The following TTC27 variants were observed in gnomAD, a reference collection of about 807,000 sequenced individuals.
TTC27 encodes tetratricopeptide repeat domain 27, also known as tetratricopeptide repeat protein 27.
TTC27 carries 79 observed loss-of-function variants against 115.9 expected under a neutral mutation model. The ratio of observed to expected loss-of-function variants is 0.68; its 90% confidence interval spans 0.57 to 0.82. The LOEUF is 0.82. TTC27 is among the 40% of genes least tolerant of loss of function. The pLI is 0.00. For synonymous variants in TTC27, 401 were observed against 356.0 expected, an observed-to-expected ratio of 1.13 and a Z score of -1.42; for missense variants, 1,054 against 993.1, an observed-to-expected ratio of 1.06 and a Z score of -0.82.
intron 5 of TTC27, among the ~76,000 whole-genome samples, chr2:32,659,862 C>G (rs906365305): frequency 2.0e-5 from 3 of 152,072 alleles, no homozygotes; most frequent in African/African-American, 7.2e-5. Context: ...TTTTTATAGC[C>G]GTATGGTATT....
intron 15 of TTC27, among the ~76,000 whole-genome samples, chr2:32,784,600 G>T (rs894454353): frequency 6.6e-6 from 1 of 152,180 alleles, no homozygotes; most frequent in Non-Finnish European, 1.5e-5. Flanking sequence ...AATTTTAATG[G>T]TGCAATATCT....
At chr2:32,658,390 T>C (rs568835096) in intron 5 of TTC27, among the ~76,000 whole-genome samples, 2 of 152,304 alleles carry the variant, frequency 1.3e-5, no homozygotes, top group African/African-American at 4.8e-5. Flanking sequence ...GCTGGAATTA[T>C]AGGTATGAGG....
chr2:32,777,144 G>A (rs898586890), intron 13 of TTC27, among the ~76,000 whole-genome samples: 6 of 152,222 alleles, frequency 3.9e-5, no homozygotes, highest in Non-Finnish European at 7.3e-5. Context: ...CATGCCTAAA[G>A]CAGATATATG....
chr2:32,685,999 C>T (rs532454765), intron 9 of TTC27, among the ~76,000 whole-genome samples: 1 of 152,226 alleles, frequency 6.6e-6, no homozygotes, highest in East Asian at 1.9e-4. Flanking sequence ...AACTAACAAG[C>T]AAGTTCTTAG....
In TTC27 at chr2:32,634,801, C is replaced by T. The variant is rs534337377; in HGVS notation, c.396+796C>T. 1.7e-4 allele frequency among the ~76,000 whole-genome samples: 26 copies of T among 151,988 alleles called. No individual in the cohort carries two copies. In the East Asian group the frequency reaches 4.1e-3, roughly 24 times the overall value. ...CCTCCCTAGTAGCTGGGATTACAGGCGTGTGCTACCACACTTGGCTAATTT... is the reference window on the plus strand; with the variant it reads ...CCTCCCTAGTAGCTGGGATTACAGGTGTGTGCTACCACACTTGGCTAATTT... On this transcript the variant is annotated intron_variant, in intron 3 of 19. Transcript: ENST00000317907.
intron 2 of TTC27, among the ~76,000 whole-genome samples, chr2:32,632,421 A>G (rs1281130562): frequency 1.3e-5 from 2 of 152,184 alleles, no homozygotes; most frequent in South Asian, 2.1e-4. Flanking sequence ...CCAGATTTCT[A>G]TCTTGTCACA....
chr2:32,659,671 T>C (rs1350508877), intron 5 of TTC27, among the ~76,000 whole-genome samples: 1 of 152,072 alleles, frequency 6.6e-6, no homozygotes, highest in East Asian at 1.9e-4. Flanking sequence ...TATCTCCTAA[T>C]GCTATCCTAG....
At chr2:32,784,950 GA>G (rs1184459619) in intron 15 of TTC27, among the ~76,000 whole-genome samples, 1 of 152,170 alleles carries the variant, frequency 6.6e-6, no homozygotes, top group Non-Finnish European at 1.5e-5. Flanking sequence ...GACTGAAATT[GA>G]AGACATGTTT....
At chr2:32,631,448 T>C (rs566087801) in intron 2 of TTC27, among the ~76,000 whole-genome samples, 115 of 152,340 alleles carry the variant, frequency 7.5e-4, no homozygotes, top group African/African-American at 2.6e-3. Flanking sequence ...AAGCCCTTGG[T>C]TTACCTTCTT....
At chr2:32,766,904 G>A (rs1644420229) in intron 13 of TTC27, among the ~76,000 whole-genome samples, 1 of 152,122 alleles carries the variant, frequency 6.6e-6, no homozygotes, top group African/African-American at 2.4e-5. Context: ...TGCTGCGTCA[G>A]CCACCTGAGA....
At chr2:32,812,764 T>C in intron 18 of TTC27, 149 bp downstream of exon 18, 1 of 609,870 alleles carries the variant, frequency 1.6e-6, no homozygotes, top group East Asian at 3.0e-5. Flanking sequence ...CAGCAAACAT[T>C]CATAGACCAC....
At position 32,635,544 on chromosome 2, in the gene TTC27, T is replaced by C. The variant is rs181976874; in HGVS notation, c.396+1539T>C. Among the ~76,000 whole-genome samples the C allele has an allele frequency of 2.6e-4, 40 of 151,970 alleles. No homozygotes were observed. The East Asian group carries it at 6.4e-3, about 24-fold the overall frequency. Reference sequence around the variant, plus strand: ...ACTAAAAATACAAAAATTAGCCGGGTGTGGTGGTGCACGCTTGTAATCCCA... The same window carrying C: ...ACTAAAAATACAAAAATTAGCCGGGCGTGGTGGTGCACGCTTGTAATCCCA... On this transcript the variant is annotated intron_variant, in intron 3 of 19. Coordinates refer to ENST00000317907, the MANE Select transcript of TTC27 (RefSeq NM_017735.5).
chr2:32,732,061 C>CA (rs566578461), intron 10 of TTC27, among the ~76,000 whole-genome samples: 17 of 150,912 alleles, frequency 1.1e-4, no homozygotes, highest in South Asian at 2.1e-4. Flanking sequence ...TTTTTCTTTC[C>CA]AAAAAAAACT....
At position 32,630,615 on chromosome 2, in the gene TTC27, A is replaced by T. The variant is rs376870573; in HGVS notation, c.181A>T (p.Thr61Ser). Residue 61 changes from threonine (T) to serine (S), a missense_variant, in exon 2 of 20, where the codon ACC (threonine) becomes TCC (serine). Physicochemically the swap from Thr to Ser is moderately conservative, Grantham distance 58 (BLOSUM62 1). Coordinates refer to ENST00000317907, the MANE Select transcript of TTC27 (RefSeq NM_017735.5). ...MTQNIFNSTT[T>S]AEEKIDSYLE... is the part of the protein sequence containing the mutation. The stretch of plus-strand genomic sequence containing the variant: ...TCAAAATATTTTTAATTCAACAACA[A>T]CCGCTGAAGAAAAGATTGATAGCTA... 4 of 1,613,674 alleles carry T rather than the reference A, an allele frequency of 2.5e-6. No individual in the cohort carries two copies. The African/African-American group carries it at 5.3e-5, about 22-fold the overall frequency.
At chr2:32,688,073 A>C (rs537873316) in intron 9 of TTC27, among the ~76,000 whole-genome samples, 5 of 152,306 alleles carry the variant, frequency 3.3e-5, no homozygotes, top group African/African-American at 9.6e-5. Flanking sequence ...TAAATGAATA[A>C]ATTAAGAAAT....
At chr2:32,652,070 T>C (rs1665145297) in intron 5 of TTC27, among the ~76,000 whole-genome samples, 1 of 152,128 alleles carries the variant, frequency 6.6e-6, no homozygotes, top group African/African-American at 2.4e-5. Flanking sequence ...TGCTTATGTA[T>C]CTTTTTAAAA....
intron 12 of TTC27, among the ~76,000 whole-genome samples, chr2:32,753,008 C>T (rs1669069716): frequency 6.6e-6 from 1 of 152,120 alleles, no homozygotes; most frequent in African/African-American, 2.4e-5. Flanking sequence ...TTCTGTAGAA[C>T]AGGAATTTAG....
Position 32,664,290 on chromosome 2 carries a change from T to G in TTC27, c.641-13T>G. The G allele has an allele frequency of 1.3e-6, 2 of 1,580,234 alleles. No homozygotes were observed. The highest frequency in any genetic ancestry group is 1.7e-6 in the Non-Finnish European group (2 of 1,165,716). On this transcript the variant is annotated splice_polypyrimidine_tract_variant and intron_variant, in intron 5 of 19. Coordinates refer to ENST00000317907, the MANE Select transcript of TTC27 (RefSeq NM_017735.5). ...TCATCATAACTTTTAATGTTTTATCTTTTGTCTTGCAGTGATGAAACTACA... is the reference window on the plus strand; with the variant it reads ...TCATCATAACTTTTAATGTTTTATCGTTTGTCTTGCAGTGATGAAACTACA...
intron 10 of TTC27, among the ~76,000 whole-genome samples, chr2:32,705,569 G>C (rs1400178769): frequency 6.6e-6 from 1 of 151,798 alleles, no homozygotes; most frequent in Non-Finnish European, 1.5e-5. Flanking sequence ...TTTCTTCTTA[G>C]AGACAGGGTC....
Sources: gnomAD v4.1 joint callset for allele counts (sites outside exome capture counted in the v4.1 genomes callset) on GRCh38, gnomAD v4.1.1 for gene constraint, MANE v1.5 for transcripts, NCBI Gene and HGNC (gene_info 2026-07-23, HGNC 2026-07-21) for gene names.